Variants in HJURP observed in about 807,000 individuals in gnomAD.
HJURP encodes 14-3-3-associated AKT substrate.
HJURP carries 49 observed loss-of-function variants against 72.0 expected under a neutral mutation model. That is an observed-to-expected ratio of 0.68 (90% confidence interval 0.54 to 0.86). HJURP has a LOEUF of 0.86. HJURP is among the 40% of genes least tolerant of loss of function. The pLI, the probability that HJURP is intolerant of heterozygous loss-of-function variation, is 0.00. For synonymous variants in HJURP, 357 were observed against 347.1 expected (o/e 1.03, Z -0.32); for missense variants, 908 against 936.3 (o/e 0.97, Z 0.39).
chr2:233,842,001 A>ATGG lies in HJURP; in HGVS notation c.776_778dup (p.Thr259dup). ...CAGCATCCCTGCGTACAGGTCACTG[A>ATGG]TGGTCACATTGCAAATGTCATCATC... On this transcript the variant is annotated inframe_insertion, in exon 8 of 9. Transcript: ENST00000411486. 6.2e-7 allele frequency: 1 copy of ATGG among 1,614,196 alleles called. No homozygotes were observed. Among genetic ancestry groups the ATGG allele is most frequent in the Non-Finnish European group, 8.5e-7 (1 of 1,180,038 alleles).
intron 4 of HJURP, among the ~76,000 whole-genome samples, chr2:233,849,377 A>G (rs1255356090): frequency 6.6e-6 from 1 of 152,152 alleles, no homozygotes; most frequent in East Asian, 1.9e-4. Flanking sequence ...GTGGGCAGTG[A>G]GACTGGCCTG....
In HJURP at chr2:233,841,894, T is replaced by G; in HGVS notation, c.886A>C (p.Arg296=). Residue 296 remains arginine, a synonymous_variant, in exon 8 of 9, where the codon AGG becomes CGG. Coordinates refer to ENST00000411486, the MANE Select transcript of HJURP (RefSeq NM_018410.5). The part of the protein sequence containing the change: ...KTFIMQNWNS[R]RRHRYKSRMN... ...CTGCTCTTATATCTGTGCCTCCTCC[T>G]GGAGTTCCAGTTTTGCATGATGAAC... 6.2e-7 allele frequency: 1 copy of G among 1,614,228 alleles called. No individual in the cohort carries two copies. The highest frequency in any genetic ancestry group is 8.5e-7 in the Non-Finnish European group (1 of 1,180,024).
chr2:233,845,378 C>T (rs1705337354), intron 6 of HJURP, among the ~76,000 whole-genome samples: 1 of 152,166 alleles, frequency 6.6e-6, no homozygotes, highest in African/African-American at 2.4e-5. Context: ...TCTCAAACTC[C>T]TGACCTCAAG....
chr2:233,839,151 G>A (rs958231920), intron 8 of HJURP, among the ~76,000 whole-genome samples: 2 of 152,210 alleles, frequency 1.3e-5, no homozygotes, highest in Non-Finnish European at 2.9e-5. Context: ...CTTTATACAC[G>A]AAAATAACTT....
Position 233,847,464 on chromosome 2 carries a change from A to G in HJURP, c.338-3T>C, listed in dbSNP as rs778624221. 1 of 1,613,372 alleles carries G rather than the reference A, an allele frequency of 6.2e-7. No homozygotes were observed. Among genetic ancestry groups the G allele is most frequent in the Non-Finnish European group, 8.5e-7 (1 of 1,179,266 alleles). ...ATCGACCTCACCGCTTTTTGAATCT[A>G]AAAGTCAAACAAGTAAATCTCAATC... On this transcript the variant is annotated splice_polypyrimidine_tract_variant and splice_region_variant and intron_variant, in intron 4 of 8. Coordinates refer to ENST00000411486, the MANE Select transcript of HJURP (RefSeq NM_018410.5).
At chr2:233,847,228 G>A (rs964618514) in intron 5 of HJURP, among the ~76,000 whole-genome samples, 169 bp downstream of exon 5, 3 of 152,158 alleles carry the variant, frequency 2.0e-5, no homozygotes, top group Admixed American at 1.3e-4. Context: ...CCGCTGAAGG[G>A]AATCGACACG....
chr2:233,852,458 G>A (rs148154454), intron 3 of HJURP, 107 bp downstream of exon 3: 90 of 747,862 alleles, frequency 1.2e-4, no homozygotes, highest in Middle Eastern at 7.1e-4. Flanking sequence ...AAAGTGCCCC[G>A]TGGTGGCCTC....
At chr2:233,850,937 C>T (rs1169187827) in intron 3 of HJURP, among the ~76,000 whole-genome samples, 1 of 152,232 alleles carries the variant, frequency 6.6e-6, no homozygotes. Flanking sequence ...TCCAGGGCGG[C>T]AGGAGCACCA....
intron 3 of HJURP, 151 bp downstream of exon 3, chr2:233,852,414 A>G: frequency 1.6e-6 from 1 of 607,890 alleles, no homozygotes; most frequent in Non-Finnish European, 2.9e-6. Context: ...ATGCTTCTAA[A>G]TCCTTAAAAA....
At chr2:233,850,157 G>C (rs1705465561) in intron 3 of HJURP, among the ~76,000 whole-genome samples, 1 of 152,260 alleles carries the variant, frequency 6.6e-6, no homozygotes, top group South Asian at 2.1e-4. Flanking sequence ...CAGTGGCCCA[G>C]GGATGACAGG....
rs778908748 is a variant in HJURP, at chr2:233,840,772, T to C, written c.2008A>G (p.Arg670Gly). 6.2e-6 allele frequency: 10 copies of C among 1,613,044 alleles called. No homozygotes were observed. In the Admixed American group the frequency reaches 1.3e-4, roughly 22 times the overall value. The change falls in exon 8 of 9, where the codon AGG (arginine) becomes GGG (glycine). Residue 670 changes from arginine to glycine, a missense_variant. Arg to Gly is a moderately radical substitution (Grantham distance 125). This residue lies in a region of HJURP where 598 missense variants were observed against 619.5 expected (regional missense o/e 0.97). Transcript: ENST00000411486. The part of the protein sequence containing the change: ...SSTCVARAIT[R>G]DGTRDHQFPA... ...AACTGATGGTCCCTCGTGCCATCCC[T>C]CGTGATGGCACGAGCAACACATGTA...
intron 6 of HJURP, 92 bp from the exon 7 acceptor site, chr2:233,844,375 C>A: frequency 1.1e-6 from 1 of 877,776 alleles, no homozygotes. Context: ...GCGGACTGTG[C>A]ATCTTAGCAC....
At chr2:233,842,907 G>A (rs1442761816) in intron 7 of HJURP, among the ~76,000 whole-genome samples, 1 of 152,220 alleles carries the variant, frequency 6.6e-6, no homozygotes, top group South Asian at 2.1e-4. Context: ...CATCAGGGCA[G>A]GGGTGAAGAA....
intron 8 of HJURP, among the ~76,000 whole-genome samples, 186 bp from the exon 9 acceptor site, chr2:233,837,838 C>T (rs372878309): frequency 1.2e-4 from 19 of 152,202 alleles, no homozygotes; most frequent in African/African-American, 4.6e-4. Context: ...GGCAACCCCC[C>T]GACCCTGCTC....
At chr2:233,842,949 G>A (rs950204359) in intron 7 of HJURP, among the ~76,000 whole-genome samples, 2 of 152,210 alleles carry the variant, frequency 1.3e-5, no homozygotes, top group African/African-American at 4.8e-5. Context: ...TGCACTACAC[G>A]ACACAAAAGC....
chr2:233,840,887 A>C lies in HJURP; in HGVS notation c.1893T>G (p.Pro631=). The C allele has an allele frequency of 3.1e-6, 5 of 1,614,090 alleles. No homozygotes were observed. The highest frequency in any genetic ancestry group is 4.2e-6 in the Non-Finnish European group (5 of 1,180,002). ...GCAACTTCTGGAAACCCTGGAAGTGAGGGTCTGGATTTAATTTTCCTAAGA... is the reference window on the plus strand; with the variant it reads ...GCAACTTCTGGAAACCCTGGAAGTGCGGGTCTGGATTTAATTTTCCTAAGA... ...EGFLGKLNPD[P]HFQGFQKLPS... Residue 631 remains proline (P), a synonymous_variant, in exon 8 of 9, where the codon CCT becomes CCG. Transcript: ENST00000411486.
Position 233,841,941 on chromosome 2 carries a change from G to T in HJURP, c.839C>A (p.Ser280Ter). 6.2e-7 allele frequency: 1 copy of T among 1,614,218 alleles called. No homozygotes were observed. Among genetic ancestry groups the T allele is most frequent in the Non-Finnish European group, 8.5e-7 (1 of 1,180,042 alleles). ...GAACGTTTTGGTGGAGATGATGCTT[G>T]ATGGCTTTGTGCTCAACAGCCGGCT... ...SMSRLLSTKP[S>*]SIISTKTFIM... Residue 280 changes from serine to a stop codon, truncating the protein, a stop_gained, in exon 8 of 9, where the codon TCA becomes TAA. Coordinates refer to ENST00000411486, the MANE Select transcript of HJURP (RefSeq NM_018410.5). LOFTEE classifies it high-confidence loss of function.
chr2:233,848,784 A>G (rs1048685963), intron 4 of HJURP, among the ~76,000 whole-genome samples: 1 of 152,186 alleles, frequency 6.6e-6, no homozygotes, highest in Non-Finnish European at 1.5e-5. Flanking sequence ...GTCAGCACAC[A>G]GAGAAGCCAT....
Position 233,840,808 on chromosome 2 carries a change from C to A in HJURP, c.1972G>T (p.Ala658Ser). ...CGAGCAACACATGTAGATGAAGGAG[C>A]CTCAATTGCAGTTGAGCCCAGTAGA... ...KSLLGSTAIE[A>S]PSSTCVARAI... Residue 658 changes from alanine to serine, a missense_variant, in exon 8 of 9, where the codon GCT (alanine) becomes TCT (serine). Coordinates refer to ENST00000411486, the MANE Select transcript of HJURP (RefSeq NM_018410.5). 1 of 1,613,446 alleles carries A rather than the reference C, an allele frequency of 6.2e-7. No individual in the cohort carries two copies. Among genetic ancestry groups the A allele is most frequent in the Non-Finnish European group, 8.5e-7 (1 of 1,179,814 alleles).
Sources: gnomAD v4.1 joint callset for allele counts (sites outside exome capture counted in the v4.1 genomes callset) on GRCh38, gnomAD v4.1.1 for gene constraint, gnomAD v4.1.1 regional missense constraint, MANE v1.5 for transcripts, NCBI Gene and HGNC (gene_info 2026-07-23, HGNC 2026-07-21) for gene names.